The following PVT1 variants were observed in gnomAD, a reference collection of about 807,000 sequenced individuals.
The protein encoded by PVT1 is CXCR4/PVT1 fusion.
chr8:127,998,849 C>CCT lies in PVT1; in HGVS notation n.912+9558_912+9559insCT, dbSNP rs1563661552. On this transcript the variant is annotated intron_variant and non_coding_transcript_variant, in intron 4 of 10. Coordinates refer to ENST00000651587, the Ensembl canonical transcript of PVT1. ...CTTCCTTCCTTCCTTCCTTCCTTCC[C>CCT]TCCCTCCCTCTCTCTCTCTCTCTCT... Among the ~76,000 whole-genome samples, 368 of 85,502 alleles carry CCT rather than the reference C, an allele frequency of 4.3e-3. 1 individual carries two copies. Among genetic ancestry groups the CCT allele is most frequent in the African/African-American group, 0.015 (349 of 23,174 alleles). 56.1% of individuals were successfully genotyped at this position (85,502 alleles called of 152,430 possible). A position where few individuals can be genotyped will look rare whatever the true frequency, so the allele number is the denominator to read the frequency against.
intron 4 of PVT1, among the ~76,000 whole-genome samples, chr8:128,018,609 A>G (rs1586483573): frequency 6.6e-6 from 1 of 152,230 alleles, no homozygotes; most frequent in African/African-American, 2.4e-5. Flanking sequence ...AGTAAATGTC[A>G]GGGTCAAACA....
chr8:127,923,584 G>A (rs1214129033), intron 3 of PVT1, among the ~76,000 whole-genome samples: 4 of 152,212 alleles, frequency 2.6e-5, no homozygotes, highest in African/African-American at 9.6e-5. Context: ...TGCAGTGGGT[G>A]CCATGAAGGA....
intron 2 of PVT1, among the ~76,000 whole-genome samples, chr8:127,830,921 C>T (rs921040062): frequency 2.0e-4 from 31 of 152,220 alleles, no homozygotes; most frequent in Admixed American, 1.8e-3. Context: ...ACATCGGACT[C>T]CAAGTTCTTC....
chr8:127,944,915 C>T (rs1816401163), intron 3 of PVT1, among the ~76,000 whole-genome samples: 1 of 152,196 alleles, frequency 6.6e-6, no homozygotes, highest in South Asian at 2.1e-4. Context: ...GGCTGAGGTC[C>T]AGGCCCGATT....
intron 3 of PVT1, among the ~76,000 whole-genome samples, chr8:127,944,608 CAG>C (rs2129913749): frequency 6.7e-6 from 1 of 150,344 alleles, no homozygotes; most frequent in African/African-American, 2.4e-5. Flanking sequence ...ATCAGGCATT[CAG>C]GGGAAGGAGG....
At chr8:127,949,379 C>CTGTGTG (rs61425056) in intron 3 of PVT1, among the ~76,000 whole-genome samples, 5,079 of 111,172 alleles carry the variant, frequency 0.046, 261 homozygotes, top group African/African-American at 0.071. Context: ...ACTCCAGGAG[C>CTGTGTG]TGTGTGTGTG....
intron 5 of PVT1, among the ~76,000 whole-genome samples, chr8:128,090,831 C>T (rs1443884422): frequency 6.6e-6 from 1 of 152,132 alleles, no homozygotes; most frequent in Admixed American, 6.5e-5. Flanking sequence ...TCTGATTCCA[C>T]ATAATCTAGG....
intron 4 of PVT1, among the ~76,000 whole-genome samples, chr8:128,016,115 A>T (rs1817371172): frequency 6.6e-6 from 1 of 152,094 alleles, no homozygotes; most frequent in East Asian, 1.9e-4. Flanking sequence ...CTGTCTCTAT[A>T]AAAAATACAA....
intron 3 of PVT1, among the ~76,000 whole-genome samples, chr8:127,943,402 T>C (rs1187659303): frequency 6.6e-6 from 1 of 152,242 alleles, no homozygotes. Context: ...AATTGATTAA[T>C]AAAGAAGCTC....
intron 5 of PVT1, among the ~76,000 whole-genome samples, chr8:128,093,352 G>A (rs1814384452): frequency 6.6e-6 from 1 of 152,152 alleles, no homozygotes; most frequent in South Asian, 2.1e-4. Flanking sequence ...GAGGTCAGGA[G>A]TTCGAGACCA....
chr8:127,904,889 G>T (rs1815801446), intron 3 of PVT1, among the ~76,000 whole-genome samples: 1 of 152,194 alleles, frequency 6.6e-6, no homozygotes, highest in Admixed American at 6.5e-5. Flanking sequence ...CCAAGCTCGG[G>T]CCCCTCTGAG....
intron 2 of PVT1, among the ~76,000 whole-genome samples, chr8:127,814,888 C>T (rs1267728309): frequency 6.6e-6 from 1 of 152,216 alleles, no homozygotes; most frequent in Non-Finnish European, 1.5e-5. Context: ...AATCTAACTA[C>T]CCTAAGCATC....
chr8:128,033,339 A>ATG (rs1393652702), intron 4 of PVT1, among the ~76,000 whole-genome samples: 8 of 152,022 alleles, frequency 5.3e-5, no homozygotes, highest in African/African-American at 7.2e-5. Context: ...GTGTGTATGT[A>ATG]TGTGTGTGTG....
At chr8:127,828,056 C>T (rs1814810806) in intron 2 of PVT1, among the ~76,000 whole-genome samples, 1 of 152,112 alleles carries the variant, frequency 6.6e-6, no homozygotes, top group African/African-American at 2.4e-5. Flanking sequence ...ATGAAAATAG[C>T]TTTATTGATC....
chr8:127,902,299 T>C (rs1272779739), intron 3 of PVT1, among the ~76,000 whole-genome samples: 1 of 152,198 alleles, frequency 6.6e-6, no homozygotes, highest in Non-Finnish European at 1.5e-5. Flanking sequence ...ATCAAGCACT[T>C]TGACAGTTCA....
intron 4 of PVT1, among the ~76,000 whole-genome samples, chr8:127,993,106 G>T (rs1462975710): frequency 6.6e-6 from 1 of 152,212 alleles, no homozygotes; most frequent in Non-Finnish European, 1.5e-5. Flanking sequence ...GAGGTTTTTG[G>T]TGCATTGCAA....
chr8:128,079,732 T>G (rs1234464978), intron 5 of PVT1, among the ~76,000 whole-genome samples: 2 of 152,192 alleles, frequency 1.3e-5, no homozygotes. Context: ...TCTTTTTTTC[T>G]TTCTTTTTTT....
chr8:127,976,993 G>A (rs544382772), intron 3 of PVT1, among the ~76,000 whole-genome samples: 41 of 152,244 alleles, frequency 2.7e-4, no homozygotes, highest in Admixed American at 4.6e-4. Context: ...CCAGATCCAC[G>A]ATGTGTAGTA....
intron 3 of PVT1, among the ~76,000 whole-genome samples, chr8:127,937,973 A>C (rs1816300112): frequency 6.6e-6 from 1 of 152,134 alleles, no homozygotes; most frequent in Non-Finnish European, 1.5e-5. Context: ...TCGACACTGG[A>C]GTCCCTCAGT....
Sources: gnomAD v4.1 joint callset for allele counts (sites outside exome capture counted in the v4.1 genomes callset) on GRCh38, gnomAD v4.1.1 for gene constraint, MANE v1.5 for transcripts, NCBI Gene and HGNC (gene_info 2026-07-23, HGNC 2026-07-21) for gene names.